The following DMD variants were observed in gnomAD, a reference collection of about 807,000 sequenced individuals.
The protein encoded by DMD is dystrophin.
A neutral mutation model predicts 330.1 loss-of-function variants in DMD; 63 were observed. The observed-to-expected ratio is 0.19, with a 90% CI of 0.16 to 0.24. DMD has a LOEUF of 0.24. Ranked by LOEUF, DMD falls within the 10% of genes least tolerant of loss-of-function variation. The probability of loss-of-function intolerance (pLI) is 1.00; values close to 1 mark genes in which losing one functional copy is unlikely to be tolerated. For synonymous variants in DMD, 1,223 were observed against 959.8 expected (o/e 1.27, Z -5.07); for missense variants, 3,344 against 2,684.1 (o/e 1.25, Z -5.43).
chrX:33,036,809 G>GTATA (rs150933084), intron 1 of DMD, among the ~76,000 whole-genome samples: 3,579 of 105,791 alleles, frequency 0.034, 93 homozygotes, highest in African/African-American at 0.096. Flanking sequence ...GCATGTGTGT[G>GTATA]TATATATATA....
chrX:32,217,476 T>A (rs1257576838), intron 43 of DMD, among the ~76,000 whole-genome samples: 1 of 111,683 alleles, frequency 9.0e-6, no homozygotes, highest in Non-Finnish European at 1.9e-5. Context: ...TATTTTTGGA[T>A]AAAAATTACT....
chrX:32,389,723 A>C, intron 31 of DMD, 49 bp from the exon 32 acceptor site: 1 of 1,094,582 alleles, frequency 9.1e-7, no homozygotes, highest in African/African-American at 1.8e-5. Context: ...CCTTTCAAAC[A>C]ATAACTGGTC....
intron 63 of DMD, among the ~76,000 whole-genome samples, chrX:31,254,812 G>A (rs1037830445): frequency 2.7e-5 from 3 of 110,776 alleles, no homozygotes; most frequent in African/African-American, 9.9e-5. Flanking sequence ...GGCCAAGGTG[G>A]GAGGATCGCT....
rs749732729 is a variant in DMD at position 32,380,593 on chromosome X, C to A, written c.4762G>T (p.Ala1588Ser). 4.1e-5 allele frequency: 50 copies of A among 1,207,872 alleles called. No individual in the cohort carries two copies. The South Asian group carries it at 5.8e-4, about 14-fold the overall frequency. ...TTTGTCAATTCCATATCTGTAGCTG[C>A]CAGCCATTCTGTCAAGACATTCATT... ...KEMNVLTEWL[A>S]ATDMELTKRS... The change falls in exon 34 of 79, where the codon GCA becomes TCA. Residue 1588 changes from alanine to serine, a missense_variant. Coordinates refer to ENST00000357033, the MANE Select transcript of DMD (RefSeq NM_004006.3).
intron 1 of DMD, among the ~76,000 whole-genome samples, chrX:33,286,475 T>G (rs1173377719): frequency 1.8e-5 from 2 of 112,146 alleles, no homozygotes; most frequent in Non-Finnish European, 3.8e-5. Context: ...AGAAAATGAT[T>G]CAAATACATG....
At chrX:31,893,199 ATGC>A (rs767630720) in intron 47 of DMD, among the ~76,000 whole-genome samples, 2 of 112,189 alleles carry the variant, frequency 1.8e-5, no homozygotes, top group African/African-American at 6.5e-5. Flanking sequence ...CACTAAATAA[ATGC>A]TGAACAAATA....
At chrX:32,899,673 C>CAAAAAAAAAAAAAAAAAAAAA (rs755390925) in intron 2 of DMD, among the ~76,000 whole-genome samples, 1 of 42,699 alleles carries the variant, frequency 2.3e-5, no homozygotes. Context: ...GACTCCGTCT[C>CAAAAAAAAAAAAAAAAAAAAA]AAAAAAAAAA....
chrX:32,186,426 C>A (rs1407448803), intron 44 of DMD, among the ~76,000 whole-genome samples: 1 of 111,126 alleles, frequency 9.0e-6, no homozygotes, highest in Non-Finnish European at 1.9e-5. Flanking sequence ...TTTTAGTCCA[C>A]CTTTGAATTT....
At chrX:31,294,161 GAACA>G (rs2053987832) in intron 62 of DMD, among the ~76,000 whole-genome samples, 1 of 111,995 alleles carries the variant, frequency 8.9e-6, no homozygotes. Context: ...CGGCACAACA[GAACA>G]AACACACAGC....
Position 31,348,463 on chromosome X carries a change from T to C in DMD, c.9163+93A>G. The C allele has an allele frequency of 3.9e-6, 3 of 777,497 alleles. 1 individual carries two copies. The highest frequency in any genetic ancestry group is 5.8e-6 in the Non-Finnish European group (3 of 516,524). 64.1% of individuals were successfully genotyped at this position (777,497 alleles called of 1,213,427 possible). A position where few individuals can be genotyped will look rare whatever the true frequency, so the allele number is the denominator to read the frequency against. ...TACTGCATCTGATAAAAGATTACTA[T>C]AATTCAACTCTTAATTCTTTTGTTT... On this transcript the variant is annotated intron_variant, in intron 61 of 78. Transcript: ENST00000357033.
chrX:32,266,378 C>A (rs780639117), intron 43 of DMD, among the ~76,000 whole-genome samples: 9 of 112,059 alleles, frequency 8.0e-5, no homozygotes, highest in Non-Finnish European at 1.7e-4. Context: ...TTGGGCAGTT[C>A]TTTAGAGCAG....
At chrX:32,551,817 T>C (rs183486124) in intron 16 of DMD, among the ~76,000 whole-genome samples, 9 of 111,734 alleles carry the variant, frequency 8.1e-5, no homozygotes, top group African/African-American at 2.9e-4. Flanking sequence ...ATATCACTAG[T>C]GTTCCTACAC....
chrX:33,085,516 G>A (rs1000186759), intron 1 of DMD, among the ~76,000 whole-genome samples: 2 of 111,587 alleles, frequency 1.8e-5, no homozygotes, highest in Non-Finnish European at 3.8e-5. Context: ...CCCATTTCTA[G>A]GGTTGTGACA....
intron 2 of DMD, among the ~76,000 whole-genome samples, chrX:32,890,479 C>T (rs970751190): frequency 9.1e-6 from 1 of 110,365 alleles, no homozygotes; most frequent in South Asian, 4.0e-4. Flanking sequence ...AAAAGCCACA[C>T]CCTTAATCCA....
chrX:33,165,426 G>C (rs899121348), intron 1 of DMD, among the ~76,000 whole-genome samples: 1 of 111,511 alleles, frequency 9.0e-6, no homozygotes, highest in South Asian at 3.7e-4. Context: ...TGTGGGGAGT[G>C]CCTGAGTATC....
At chrX:31,720,268 T>C (rs1203845537) in intron 52 of DMD, among the ~76,000 whole-genome samples, 1 of 112,189 alleles carries the variant, frequency 8.9e-6, no homozygotes, top group Admixed American at 9.5e-5. Flanking sequence ...AAGAAAGAAG[T>C]AGTAGGTACA....
chrX:31,979,984 C>T (rs2095465520), intron 44 of DMD, among the ~76,000 whole-genome samples: 1 of 111,949 alleles, frequency 8.9e-6, no homozygotes, highest in South Asian at 3.6e-4. Flanking sequence ...TAAGTTAAAA[C>T]CACAACAATA....
Position 33,060,869 on chromosome X carries a change from G to C in DMD, c.32-40669C>G, listed in dbSNP as rs754118961. ...AAAAAAAAAAAAATCCAATCTCTTT[G>C]AAAGTTATGTATCACTTGACAAAAA... On this transcript the variant is annotated intron_variant, in intron 1 of 78. Coordinates refer to ENST00000357033, the MANE Select transcript of DMD (RefSeq NM_004006.3). 8.2e-4 allele frequency among the ~76,000 whole-genome samples: 88 copies of C among 107,914 alleles called. 1 individual carries two copies. The highest frequency in any genetic ancestry group is 2.8e-3 in the African/African-American group (83 of 29,789). 93.7% of individuals were successfully genotyped at this position (107,914 alleles called of 115,157 possible). A position where few individuals can be genotyped will look rare whatever the true frequency, so the allele number is the denominator to read the frequency against.
chrX:31,642,472 A>G (rs1255960749), intron 54 of DMD, among the ~76,000 whole-genome samples: 1 of 112,202 alleles, frequency 8.9e-6, no homozygotes, highest in Non-Finnish European at 1.9e-5. Context: ...TGTCATTTAA[A>G]AAGACCCTTA....
Sources: gnomAD v4.1 joint callset for allele counts (sites outside exome capture counted in the v4.1 genomes callset) on GRCh38, gnomAD v4.1.1 for gene constraint, MANE v1.5 for transcripts, NCBI Gene and HGNC (gene_info 2026-07-23, HGNC 2026-07-21) for gene names.